The following GABRB3 variants were observed in gnomAD, a reference collection of about 807,000 sequenced individuals.
GABRB3 encodes the protein gamma-aminobutyric acid type A receptor subunit beta3.
A neutral mutation model predicts 52.1 loss-of-function variants in GABRB3; 14 were observed. The ratio of observed to expected loss-of-function variants is 0.27; its 90% CI spans 0.18 to 0.42. The LOEUF (loss-of-function observed/expected upper bound fraction) is 0.42. GABRB3 is among the 10% of genes least tolerant of loss of function. GABRB3 has a pLI of 1.00. For synonymous variants in GABRB3, 260 were observed against 232.3 expected (o/e 1.12, Z -1.08); for missense variants, 307 against 609.1 (o/e 0.50, Z 5.22).
At chr15:26,696,354 G>C (rs1284941798) in intron 3 of GABRB3, among the ~76,000 whole-genome samples, 1 of 151,606 alleles carries the variant, frequency 6.6e-6, no homozygotes, top group African/African-American at 2.4e-5. Context: ...TTTAAGATAG[G>C]TACTACTGCT....
chr15:26,772,166 C>A (rs894707932), intron 3 of GABRB3: 6 of 450,098 alleles, frequency 1.3e-5, no homozygotes, highest in African/African-American at 2.1e-5. Flanking sequence ...GGCCAGGACT[C>A]CCCCGCAGGA....
At chr15:26,700,241 T>C (rs572137240) in intron 3 of GABRB3, among the ~76,000 whole-genome samples, 73 of 152,310 alleles carry the variant, frequency 4.8e-4, no homozygotes, top group Admixed American at 1.0e-3. Flanking sequence ...CATTCTACAA[T>C]GTAGATGCAA....
intron 3 of GABRB3, among the ~76,000 whole-genome samples, chr15:26,718,605 T>G (rs991016163): frequency 2.0e-5 from 3 of 151,110 alleles, no homozygotes; most frequent in East Asian, 1.9e-4. Context: ...GCTCAATGTG[T>G]TTTTTTTTCT....
chr15:26,583,816 C>T lies in GABRB3; in HGVS notation c.462-402G>A, dbSNP rs187284619. Among the ~76,000 whole-genome samples the T allele has an allele frequency of 5.2e-3, 780 of 150,190 alleles. 3 individuals carry two copies. Among genetic ancestry groups the T allele is most frequent in the African/African-American group, 0.018 (739 of 40,884 alleles). ...TTTGATCAGAGTCTTGCTCTGTCGC[C>T]CAGGCTGGAGTGCACTGGCATGATC... On this transcript the variant is annotated intron_variant, in intron 4 of 8. Transcript: ENST00000311550.
At chr15:26,582,981 A>AC (rs1890841430) in intron 5 of GABRB3, among the ~76,000 whole-genome samples, 1 of 152,168 alleles carries the variant, frequency 6.6e-6, no homozygotes, top group Non-Finnish European at 1.5e-5. Context: ...CTGATGGGAA[A>AC]TGAGTTTTAC....
chr15:26,669,889 C>T (rs567337138), intron 3 of GABRB3, among the ~76,000 whole-genome samples: 3 of 152,344 alleles, frequency 2.0e-5, no homozygotes, highest in Admixed American at 2.0e-4. Context: ...TCCTGTGATT[C>T]CCTTTCTCAG....
chr15:26,641,489 G>A (rs752661694), intron 3 of GABRB3, among the ~76,000 whole-genome samples: 2 of 152,258 alleles, frequency 1.3e-5, no homozygotes, highest in Non-Finnish European at 2.9e-5. Flanking sequence ...GGAGAAGGGT[G>A]CTGAAGTGCA....
intron 8 of GABRB3, among the ~76,000 whole-genome samples, chr15:26,555,695 C>T (rs1889726502): frequency 1.3e-5 from 2 of 152,212 alleles, no homozygotes; most frequent in African/African-American, 4.8e-5. Flanking sequence ...TACAATTTTA[C>T]ATTATTCTTA....
chr15:26,576,801 G>C (rs1270816500), intron 6 of GABRB3, among the ~76,000 whole-genome samples: 1 of 152,136 alleles, frequency 6.6e-6, no homozygotes, highest in Non-Finnish European at 1.5e-5. Flanking sequence ...ACCTCCTACA[G>C]CTTGGGTTGG....
chr15:26,599,804 G>C (rs1425822396), intron 4 of GABRB3, among the ~76,000 whole-genome samples: 1 of 152,142 alleles, frequency 6.6e-6, no homozygotes, highest in African/African-American at 2.4e-5. Context: ...CAAATGTGCA[G>C]ACCACAATGG....
chr15:26,651,135 T>A (rs1225769130), intron 3 of GABRB3, among the ~76,000 whole-genome samples: 1 of 152,214 alleles, frequency 6.6e-6, no homozygotes, highest in Non-Finnish European at 1.5e-5. Flanking sequence ...AGGGGCCAAC[T>A]GAGCTGCTAA....
At chr15:26,748,688 C>T (rs912192336) in intron 3 of GABRB3, among the ~76,000 whole-genome samples, 1 of 152,088 alleles carries the variant, frequency 6.6e-6, no homozygotes, top group African/African-American at 2.4e-5. Flanking sequence ...TTTTTGTTTT[C>T]AATTTCATTT....
At chr15:26,556,778 A>T (rs374913942) in intron 8 of GABRB3, among the ~76,000 whole-genome samples, 7 of 152,342 alleles carry the variant, frequency 4.6e-5, no homozygotes, top group African/African-American at 1.7e-4. Context: ...CACTAAAACC[A>T]TAGTACCAAG....
chr15:26,580,498 C>T (rs559337059), intron 5 of GABRB3, 42 bp from the exon 6 acceptor site: 25 of 1,612,824 alleles, frequency 1.6e-5, no homozygotes, highest in South Asian at 8.8e-5. Context: ...ATCACCATTT[C>T]GTATAAATGC....
At chr15:26,668,531 TTA>T (rs1218283820) in intron 3 of GABRB3, among the ~76,000 whole-genome samples, 1 of 139,800 alleles carries the variant, frequency 7.2e-6, no homozygotes, top group Non-Finnish European at 1.6e-5. Context: ...TGGATGTCAT[TTA>T]TGTGTTTTTT....
At chr15:26,714,472 T>C (rs1022888298) in intron 3 of GABRB3, among the ~76,000 whole-genome samples, 3 of 152,150 alleles carry the variant, frequency 2.0e-5, no homozygotes, top group African/African-American at 4.8e-5. Context: ...AATCAATGTA[T>C]GTAAGATGAG....
At chr15:26,613,471 T>C (rs1221417337) in intron 4 of GABRB3, 1 of 151,024 alleles carries the variant, frequency 6.6e-6, no homozygotes, top group Admixed American at 6.6e-5. Flanking sequence ...GAAACAAAAA[T>C]GTGGATAGCT....
At chr15:26,581,390 C>T (rs970377925) in intron 5 of GABRB3, among the ~76,000 whole-genome samples, 1 of 152,156 alleles carries the variant, frequency 6.6e-6, no homozygotes, top group African/African-American at 2.4e-5. Flanking sequence ...AGTTGCTCCC[C>T]ACAGCTAATG....
At chr15:26,563,277 A>T (rs933515620) in intron 7 of GABRB3, among the ~76,000 whole-genome samples, 2 of 152,218 alleles carry the variant, frequency 1.3e-5, no homozygotes, top group African/African-American at 4.8e-5. Context: ...AATGAACCCC[A>T]GAGGGACCTG....
Sources: gnomAD v4.1 joint callset for allele counts (sites outside exome capture counted in the v4.1 genomes callset) on GRCh38, gnomAD v4.1.1 for gene constraint, MANE v1.5 for transcripts, NCBI Gene and HGNC (gene_info 2026-07-23, HGNC 2026-07-21) for gene names.